Variants in MAPT observed in about 807,000 individuals in gnomAD.
MAPT encodes microtubule associated protein tau.
MAPT carries 34 observed loss-of-function variants against 67.9 expected under a neutral mutation model. The ratio of observed to expected loss-of-function variants is 0.50; its 90% CI spans 0.38 to 0.67. The LOEUF (loss-of-function observed/expected upper bound fraction) is 0.67, where lower values mean the gene tolerates loss of function less well. Among genes scored for constraint, MAPT ranks in the 30% least tolerant of loss-of-function variants. The pLI is 0.00. For missense variants in MAPT, 881 were observed against 1,115.2 expected, an observed-to-expected ratio of 0.79 and a Z score of 2.99; for synonymous variants, 456 against 464.5, an observed-to-expected ratio of 0.98 and a Z score of 0.23.
chr17:45,941,571 C>T (rs887416352), intron 1 of MAPT, among the ~76,000 whole-genome samples: 2 of 151,614 alleles, frequency 1.3e-5, no homozygotes, highest in African/African-American at 4.9e-5. Context: ...TTCTTGCCAG[C>T]TTTTTCTCCT....
chr17:45,962,575 C>A, intron 2 of MAPT, 105 bp downstream of exon 2: 1 of 1,403,736 alleles, frequency 7.1e-7, no homozygotes. Flanking sequence ...ACATTATTGT[C>A]TTAGACTGTC....
chr17:45,994,932 C>T (rs528858208), intron 8 of MAPT, among the ~76,000 whole-genome samples: 6 of 152,260 alleles, frequency 3.9e-5, no homozygotes, highest in Admixed American at 1.3e-4. Flanking sequence ...CCTGTAATAT[C>T]AGCTACTCGG....
At chr17:45,913,255 C>T (rs1351482974) in intron 1 of MAPT, among the ~76,000 whole-genome samples, 3 of 152,206 alleles carry the variant, frequency 2.0e-5, no homozygotes, top group African/African-American at 7.2e-5. Context: ...GGAGAGAGAG[C>T]TTGTGCAGGG....
intron 1 of MAPT, chr17:45,898,338 G>A (rs1172489313): frequency 2.0e-5 from 3 of 152,222 alleles, no homozygotes; most frequent in African/African-American, 7.2e-5. Context: ...TCCTCCGACA[G>A]GAACAAAAGA....
chr17:45,920,162 G>A (rs1046939065), intron 1 of MAPT, among the ~76,000 whole-genome samples: 1 of 152,188 alleles, frequency 6.6e-6, no homozygotes. Flanking sequence ...CACGTCCGGC[G>A]GCTCTGGTGC....
At chr17:46,015,704 C>G (rs540922268) in intron 11 of MAPT, among the ~76,000 whole-genome samples, 13 of 152,100 alleles carry the variant, frequency 8.5e-5, no homozygotes, top group Non-Finnish European at 1.5e-4. Context: ...ACAACAAAAA[C>G]CTAAAAGAAT....
At chr17:45,908,129 C>T (rs2064458378) in intron 1 of MAPT, 1 of 152,258 alleles carries the variant, frequency 6.6e-6, no homozygotes. Flanking sequence ...AAAGGCAAGC[C>T]TCTAAACCAG....
chr17:45,905,359 C>T (rs554022314), intron 1 of MAPT, among the ~76,000 whole-genome samples: 1 of 152,268 alleles, frequency 6.6e-6, no homozygotes, highest in South Asian at 2.1e-4. Flanking sequence ...TGAGAAAAGG[C>T]CAGTGGCGGC....
chr17:45,987,147 C>G, intron 6 of MAPT, 52 bp downstream of exon 6: 2 of 1,542,362 alleles, frequency 1.3e-6, no homozygotes, highest in South Asian at 2.2e-5. Flanking sequence ...TACAGAGAAG[C>G]TGTGCTTTAT....
chr17:45,961,884 T>G lies in MAPT; in HGVS notation c.-17-437T>G, dbSNP rs552896703. ...TCCACCTGCCAGGTTCAATTGATTC[T>G]CCTGCCTCAGCCTCCCCAGTAGCTG... On this transcript the variant is annotated intron_variant, in intron 1 of 12. Coordinates refer to ENST00000262410, the MANE Select transcript of MAPT (RefSeq NM_001377265.1). Among the ~76,000 whole-genome samples the G allele has an allele frequency of 3.8e-3, 581 of 152,104 alleles. 7 individuals are homozygous for G. The highest frequency in any genetic ancestry group is 0.013 in the African/African-American group (559 of 41,506).
At chr17:46,005,506 G>A (rs2075350368) in intron 9 of MAPT, among the ~76,000 whole-genome samples, 1 of 152,256 alleles carries the variant, frequency 6.6e-6, no homozygotes, top group Non-Finnish European at 1.5e-5. Flanking sequence ...CTACTCCAGA[G>A]GCTGAGGCCA....
chr17:45,929,900 C>A (rs1178031603), intron 1 of MAPT, among the ~76,000 whole-genome samples: 1 of 152,134 alleles, frequency 6.6e-6, no homozygotes, highest in Non-Finnish European at 1.5e-5. Flanking sequence ...CCCTGAAGTT[C>A]AGGCTCCCAG....
intron 1 of MAPT, among the ~76,000 whole-genome samples, chr17:45,920,200 T>G (rs141812429): frequency 5.3e-5 from 8 of 152,266 alleles, no homozygotes; most frequent in African/African-American, 1.7e-4. Context: ...TTTCTTTTGT[T>G]TGGGGGGATG....
chr17:45,939,131 A>G (rs2067634722), intron 1 of MAPT, among the ~76,000 whole-genome samples: 3 of 151,686 alleles, frequency 2.0e-5, no homozygotes, highest in Non-Finnish European at 4.4e-5. Context: ...ATTTTTAAAT[A>G]TTTTTTTTGT....
At chr17:45,990,573 G>T in intron 7 of MAPT, 1 of 399,736 alleles carries the variant, frequency 2.5e-6, no homozygotes, top group Admixed American at 3.2e-5. Flanking sequence ...CTCCAGCTTG[G>T]GCGACAGAGC....
At chr17:45,994,042 T>G in intron 8 of MAPT, 1 of 1,476,578 alleles carries the variant, frequency 6.8e-7, no homozygotes, top group Non-Finnish European at 9.2e-7. Context: ...CACTGGCTTG[T>G]GTTTCTAGAG....
At chr17:45,958,969 A>G (rs2070065862) in intron 1 of MAPT, among the ~76,000 whole-genome samples, 2 of 152,308 alleles carry the variant, frequency 1.3e-5, no homozygotes, top group South Asian at 2.1e-4. Context: ...AGGCTGAGAC[A>G]GGAGAATTGC....
chr17:46,018,691 G>A lies in MAPT; in HGVS notation c.2247G>A (p.Leu749=). 1 of 1,614,178 alleles carries A rather than the reference G, an allele frequency of 6.2e-7. No individual in the cohort carries two copies. Among genetic ancestry groups the A allele is most frequent in the Non-Finnish European group, 8.5e-7 (1 of 1,180,010 alleles). ...GAGTCCAGTCGAAGATTGGGTCCCTGGACAATATCACCCACGTCCCTGGCG... is the reference window on the plus strand; with the variant it reads ...GAGTCCAGTCGAAGATTGGGTCCCTAGACAATATCACCCACGTCCCTGGCG... ...KDRVQSKIGS[L]DNITHVPGGG... The change falls in exon 12 of 13, where the codon CTG becomes CTA. Residue 749 remains leucine (L), a synonymous_variant. Coordinates refer to ENST00000262410, the MANE Select transcript of MAPT (RefSeq NM_001377265.1).
At chr17:45,942,537 T>C (rs2068093806) in intron 1 of MAPT, among the ~76,000 whole-genome samples, 1 of 152,212 alleles carries the variant, frequency 6.6e-6, no homozygotes, top group South Asian at 2.1e-4. Flanking sequence ...CCAGCATTGC[T>C]TCCCCGCTGG....
Sources: allele counts gnomAD v4.1 joint callset (sites outside exome capture counted in the v4.1 genomes callset), GRCh38; gene constraint gnomAD v4.1.1; transcripts MANE v1.5; gene names NCBI Gene and HGNC (gene_info 2026-07-23, HGNC 2026-07-21).